The following IL23R variants were observed in gnomAD, a reference collection of about 807,000 sequenced individuals.
IL23R encodes the protein interleukin 23 receptor, also known as interleukin-23 receptor.
A neutral mutation model predicts 56.9 loss-of-function variants in IL23R; 34 were observed. The ratio of observed to expected loss-of-function variants is 0.60; its 90% CI spans 0.45 to 0.80. The LOEUF is 0.80. IL23R is among the 30% of genes least tolerant of loss of function. The pLI is 0.00. For synonymous variants in IL23R, 230 were observed against 249.2 expected (o/e 0.92, Z 0.73); for missense variants, 635 against 730.0 (o/e 0.87, Z 1.50).
chr1:67,180,809 G>A (rs1336084913), intron 3 of IL23R, among the ~76,000 whole-genome samples: 1 of 152,126 alleles, frequency 6.6e-6, no homozygotes, highest in East Asian at 1.9e-4. Context: ...TTTTAGGGCA[G>A]GCCTGGTGGT....
intron 9 of IL23R, among the ~76,000 whole-genome samples, chr1:67,241,950 A>G (rs530638794): frequency 1.8e-4 from 28 of 152,354 alleles, no homozygotes; most frequent in South Asian, 1.2e-3. Flanking sequence ...TCCATACATC[A>G]TAAGTGCCAG....
At chr1:67,206,297 G>C (rs1036251254) in intron 5 of IL23R, among the ~76,000 whole-genome samples, 5 of 152,018 alleles carry the variant, frequency 3.3e-5, no homozygotes, top group Non-Finnish European at 5.9e-5. Flanking sequence ...ACAGACATGA[G>C]CCACCATGCC....
intron 7 of IL23R, among the ~76,000 whole-genome samples, chr1:67,227,322 T>G (rs1650683404): frequency 6.6e-6 from 1 of 152,136 alleles, no homozygotes. Flanking sequence ...ATTCCTTTAA[T>G]AACAGGTTAA....
chr1:67,156,269 G>A (rs945424090), intron 1 of IL23R, among the ~76,000 whole-genome samples: 1 of 152,218 alleles, frequency 6.6e-6, no homozygotes, highest in East Asian at 1.9e-4. Flanking sequence ...AGGCACAGGG[G>A]TCAGGGATTC....
At chr1:67,243,649 T>A (rs552176919) in intron 9 of IL23R, among the ~76,000 whole-genome samples, 1 of 152,324 alleles carries the variant, frequency 6.6e-6, no homozygotes, top group East Asian at 1.9e-4. Context: ...TCATCCTTTT[T>A]TATGGCTGCA....
chr1:67,166,734 C>T (rs1646877778), intron 1 of IL23R, among the ~76,000 whole-genome samples, 193 bp downstream of exon 1: 1 of 152,090 alleles, frequency 6.6e-6, no homozygotes, highest in South Asian at 2.1e-4. Flanking sequence ...CATCAGTTAA[C>T]TTCTAACTAG....
At chr1:67,252,533 A>C (rs1375139732) in intron 9 of IL23R, among the ~76,000 whole-genome samples, 1 of 150,864 alleles carries the variant, frequency 6.6e-6, no homozygotes, top group Non-Finnish European at 1.5e-5. Context: ...TCTGAAATCC[A>C]AAAGAGAACT....
At chr1:67,204,619 C>T (rs1201183621) in intron 5 of IL23R, among the ~76,000 whole-genome samples, 2 of 152,056 alleles carry the variant, frequency 1.3e-5, no homozygotes, top group Admixed American at 6.5e-5. Flanking sequence ...AATGCTTGTG[C>T]TGCTATAACA....
At chr1:67,262,659 A>C (rs1302058292), downstream of IL23R, among the ~76,000 whole-genome samples, 2 of 152,172 alleles carry the variant, frequency 1.3e-5, no homozygotes, top group African/African-American at 4.8e-5. Context: ...TTTTCTGCAG[A>C]TTCTGAGGAC....
chr1:67,178,314 T>C (rs529493216), intron 3 of IL23R, among the ~76,000 whole-genome samples: 1 of 152,360 alleles, frequency 6.6e-6, no homozygotes, highest in East Asian at 1.9e-4. Context: ...TTTGTAGTTC[T>C]CTTTGAAGAG....
intron 9 of IL23R, among the ~76,000 whole-genome samples, chr1:67,246,412 A>G (rs575386396): frequency 1.9e-4 from 29 of 152,054 alleles, no homozygotes; most frequent in Non-Finnish European, 2.9e-4. Context: ...TTAGGGTGTC[A>G]ATTTTAGATC....
chr1:67,182,819 G>C lies in IL23R; in HGVS notation c.368-17G>C. Reference sequence around the variant, plus strand: ...GTATTTCTTACAGCACCTCCTAAGTGTTATGTTTTGTTGCAGATCCGCCAG... The same window carrying C: ...GTATTTCTTACAGCACCTCCTAAGTCTTATGTTTTGTTGCAGATCCGCCAG... On this transcript the variant is annotated splice_polypyrimidine_tract_variant and intron_variant, in intron 3 of 10. Transcript: ENST00000347310. 6.2e-7 allele frequency: 1 copy of C among 1,613,694 alleles called. No homozygotes were observed. Among genetic ancestry groups the C allele is most frequent in the Non-Finnish European group, 8.5e-7 (1 of 1,179,744 alleles).
At chr1:67,237,791 C>A (rs529687114) in intron 8 of IL23R, among the ~76,000 whole-genome samples, 1 of 152,168 alleles carries the variant, frequency 6.6e-6, no homozygotes, top group East Asian at 1.9e-4. Flanking sequence ...CACTGACAGA[C>A]CATTTATCTC....
At chr1:67,141,432 A>AG (rs1303056029) in intron 1 of IL23R, among the ~76,000 whole-genome samples, 3 of 151,946 alleles carry the variant, frequency 2.0e-5, no homozygotes, top group Non-Finnish European at 2.9e-5. Context: ...AAAAAAAAAA[A>AG]GTTTGAAATT....
rs988198758 is a variant in IL23R at position 67,239,302 on chromosome 1, C to T, written c.1046-877C>T. On this transcript the variant is annotated intron_variant, in intron 8 of 10. Coordinates refer to ENST00000347310, the MANE Select transcript of IL23R (RefSeq NM_144701.3). ...TTTTTGAGACACAGTCTGGCTCTGT[C>T]GCCCAGGCTGGAGTGCAGCGGCACG... Among the ~76,000 whole-genome samples, 8 of 152,186 alleles carry T rather than the reference C, an allele frequency of 5.3e-5. 1 individual carries two copies. The highest frequency in any genetic ancestry group is 3.9e-4 in the Admixed American group (6 of 15,280).
At chr1:67,199,605 G>T (rs1648450586) in intron 4 of IL23R, among the ~76,000 whole-genome samples, 1 of 151,880 alleles carries the variant, frequency 6.6e-6, no homozygotes, top group South Asian at 2.1e-4. Flanking sequence ...AAAAATAACT[G>T]TTATGTTCAT....
At chr1:67,184,105 G>T (rs532941845) in intron 4 of IL23R, among the ~76,000 whole-genome samples, 144 of 151,354 alleles carry the variant, frequency 9.5e-4, no homozygotes, top group African/African-American at 3.3e-3. Flanking sequence ...GTGGTGGTGG[G>T]CGCCTGTAAT....
At chr1:67,167,037 C>T (rs942646136) in intron 1 of IL23R, among the ~76,000 whole-genome samples, 3 of 152,100 alleles carry the variant, frequency 2.0e-5, no homozygotes, top group Non-Finnish European at 2.9e-5. Flanking sequence ...AAACTAACAA[C>T]GGTATTATTA....
At chr1:67,145,549 C>T (rs1216462196) in intron 1 of IL23R, among the ~76,000 whole-genome samples, 1 of 152,060 alleles carries the variant, frequency 6.6e-6, no homozygotes, top group Non-Finnish European at 1.5e-5. Context: ...CTGTTTGTTC[C>T]CATGTCTATG....
Sources: allele counts gnomAD v4.1 joint callset (sites outside exome capture counted in the v4.1 genomes callset), GRCh38; gene constraint gnomAD v4.1.1; transcripts MANE v1.5; gene names NCBI Gene and HGNC (gene_info 2026-07-23, HGNC 2026-07-21).